Variants in SORCS3 observed in about 807,000 individuals in gnomAD.
The protein encoded by SORCS3 is VPS10 domain-containing receptor SorCS3.
SORCS3 carries 57 observed loss-of-function variants against 146.3 expected under a neutral mutation model. The ratio of observed to expected loss-of-function variants is 0.39; its 90% CI spans 0.31 to 0.49. The LOEUF (loss-of-function observed/expected upper bound fraction) is 0.49, where lower values mean the gene tolerates loss of function less well. SORCS3 is among the 20% of genes least tolerant of loss of function. The probability of loss-of-function intolerance (pLI) is 0.92; values close to 1 mark genes in which losing one functional copy is unlikely to be tolerated. For missense variants in SORCS3, 1,341 were observed against 1,575.5 expected (o/e 0.85, Z 2.52); for synonymous variants, 653 against 618.5 (o/e 1.06, Z -0.83).
intron 4 of SORCS3, among the ~76,000 whole-genome samples, chr10:104,978,419 T>C (rs2054914214): frequency 6.6e-6 from 1 of 152,192 alleles, no homozygotes; most frequent in South Asian, 2.1e-4. Flanking sequence ...ATACATAGCA[T>C]TGTCTGTCTC....
At chr10:105,224,017 C>T (rs2056719698) in intron 20 of SORCS3, among the ~76,000 whole-genome samples, 1 of 152,236 alleles carries the variant, frequency 6.6e-6, no homozygotes, top group African/African-American at 2.4e-5. Flanking sequence ...CATGTATAGC[C>T]TCCTCCATTA....
intron 1 of SORCS3, among the ~76,000 whole-genome samples, chr10:104,807,242 C>T (rs540170868): frequency 8.7e-4 from 133 of 152,028 alleles, no homozygotes; most frequent in Non-Finnish European, 1.5e-3. Flanking sequence ...TGCGCATGCA[C>T]ATGCATTTTG....
At chr10:104,934,445 G>A (rs557387930) in intron 3 of SORCS3, among the ~76,000 whole-genome samples, 3 of 152,314 alleles carry the variant, frequency 2.0e-5, no homozygotes, top group Non-Finnish European at 4.4e-5. Flanking sequence ...ACAGTATCTT[G>A]TATGTTTTTG....
intron 1 of SORCS3, among the ~76,000 whole-genome samples, chr10:104,832,934 G>A (rs1284327502): frequency 6.6e-6 from 1 of 152,076 alleles, no homozygotes; most frequent in Non-Finnish European, 1.5e-5. Context: ...TTGGTATTTG[G>A]ACCATATTTT....
chr10:104,843,874 T>C (rs1463913529), intron 2 of SORCS3, among the ~76,000 whole-genome samples: 1 of 152,216 alleles, frequency 6.6e-6, no homozygotes, highest in Non-Finnish European at 1.5e-5. Flanking sequence ...TACCTTGTGA[T>C]GTGTCAATAC....
chr10:104,852,237 C>T (rs1465416244), intron 2 of SORCS3, among the ~76,000 whole-genome samples: 2 of 152,112 alleles, frequency 1.3e-5, no homozygotes, highest in Non-Finnish European at 2.9e-5. Flanking sequence ...ATCTGTGGTC[C>T]CTAGTGGGTT....
intron 1 of SORCS3, among the ~76,000 whole-genome samples, chr10:104,759,863 G>C (rs533890587): frequency 6.6e-6 from 1 of 152,292 alleles, no homozygotes; most frequent in East Asian, 1.9e-4. Flanking sequence ...TGTGCTTGAG[G>C]AGCTTGTACA....
intron 20 of SORCS3, among the ~76,000 whole-genome samples, chr10:105,242,863 ATATTTTTATATATAAATTATATATAAT>A (rs2056842968): frequency 9.7e-6 from 1 of 103,086 alleles, no homozygotes; most frequent in South Asian, 2.8e-4. Context: ...AATTATATAT[ATATTTTTATATATAAATTATATATAAT>A]ATATGATATA....
chr10:104,663,640 C>G (rs556364642), intron 1 of SORCS3, among the ~76,000 whole-genome samples: 2 of 152,166 alleles, frequency 1.3e-5, no homozygotes, highest in East Asian at 3.9e-4. Flanking sequence ...ACTGGCCACA[C>G]AAGCCTGTTG....
intron 20 of SORCS3, 120 bp from the exon 21 acceptor site, chr10:105,245,422 G>A (rs572615714): frequency 4.6e-5 from 54 of 1,161,964 alleles, no homozygotes; most frequent in South Asian, 2.2e-4. Context: ...ACGGTATAAC[G>A]TTTGTTTGTT....
chr10:104,942,843 A>T (rs931269564), intron 3 of SORCS3, among the ~76,000 whole-genome samples: 1 of 152,226 alleles, frequency 6.6e-6, no homozygotes, highest in Non-Finnish European at 1.5e-5. Flanking sequence ...AAACTAAATG[A>T]TGAAATCTTG....
chr10:104,651,542 A>AAAC (rs2015558786), intron 1 of SORCS3, among the ~76,000 whole-genome samples: 1 of 146,706 alleles, frequency 6.8e-6, no homozygotes, highest in Non-Finnish European at 1.5e-5. Flanking sequence ...CTAAAAAAAA[A>AAAC]AAAAAAAAAA....
At chr10:105,199,007 T>C (rs1189532665) in intron 14 of SORCS3, among the ~76,000 whole-genome samples, 2 of 152,116 alleles carry the variant, frequency 1.3e-5, no homozygotes, top group Non-Finnish European at 2.9e-5. Context: ...AGAGAGTTAA[T>C]CTTGTAGGTG....
chr10:104,809,923 G>A lies in SORCS3; in HGVS notation c.628-32869G>A, dbSNP rs2017722205. 2.0e-5 allele frequency among the ~76,000 whole-genome samples: 3 copies of A among 152,196 alleles called. No individual in the cohort carries two copies. In the South Asian group the frequency reaches 6.2e-4, roughly 31 times the overall value. ...AGACTGTACACAGTGTCCTTTATTT[G>A]ATGTTCTCCTGATGTAACCATGTTG... On this transcript the variant is annotated intron_variant, in intron 1 of 26. Coordinates refer to ENST00000369701, the MANE Select transcript of SORCS3 (RefSeq NM_014978.3).
chr10:105,100,257 G>T (rs2055774330), intron 6 of SORCS3, among the ~76,000 whole-genome samples: 1 of 152,106 alleles, frequency 6.6e-6, no homozygotes, highest in South Asian at 2.1e-4. Flanking sequence ...AAATATATTA[G>T]GAAGACATTT....
intron 1 of SORCS3, among the ~76,000 whole-genome samples, chr10:104,762,607 G>T (rs1318683735): frequency 3.3e-5 from 5 of 152,134 alleles, no homozygotes; most frequent in Admixed American, 3.3e-4. Flanking sequence ...ATCCTAATGT[G>T]TCGAGGGAAG....
At chr10:104,884,684 G>A (rs2018664111) in intron 2 of SORCS3, among the ~76,000 whole-genome samples, 2 of 152,070 alleles carry the variant, frequency 1.3e-5, no homozygotes, top group Admixed American at 6.5e-5. Flanking sequence ...GAGGTAATTT[G>A]GGTACAAAAT....
intron 1 of SORCS3, among the ~76,000 whole-genome samples, chr10:104,650,530 C>T (rs1299312384): frequency 6.6e-6 from 1 of 152,200 alleles, no homozygotes; most frequent in Non-Finnish European, 1.5e-5. Context: ...CAGTTAGATA[C>T]TCAGACCATT....
intron 24 of SORCS3, among the ~76,000 whole-genome samples, chr10:105,256,057 G>C (rs1171437351): frequency 1.3e-5 from 2 of 152,094 alleles, no homozygotes; most frequent in Non-Finnish European, 2.9e-5. Context: ...CAATTTACTT[G>C]GGTCTTAACC....
Sources: gnomAD v4.1 joint callset for allele counts (sites outside exome capture counted in the v4.1 genomes callset) on GRCh38, gnomAD v4.1.1 for gene constraint, MANE v1.5 for transcripts, NCBI Gene and HGNC (gene_info 2026-07-23, HGNC 2026-07-21) for gene names.